Variants in SNAP47 observed in about 807,000 individuals in gnomAD.
The protein encoded by SNAP47 is synaptosomal-associated protein 47.
In SNAP47, 20 loss-of-function variants were observed where a neutral mutation model predicts 31.4. The observed-to-expected ratio is 0.64, with a 90% confidence interval of 0.45 to 0.93. The LOEUF is 0.93. Among genes scored for constraint, SNAP47 ranks in the 40% least tolerant of loss-of-function variants. SNAP47 has a pLI of 0.00. For missense variants in SNAP47, 492 were observed against 528.5 expected (o/e 0.93, Z 0.68); for synonymous variants, 194 against 213.4 (o/e 0.91, Z 0.79).
In SNAP47 at chr1:227,736,355, G is replaced by A. The variant is rs75697236; in HGVS notation, c.-46+856G>A. 172 of 152,500 alleles carry A rather than the reference G, an allele frequency of 1.1e-3. 4 individuals carry two copies. In the East Asian group the frequency reaches 0.032, roughly 28 times the overall value. 9.4% of individuals were successfully genotyped at this position (152,500 alleles called of 1,614,324 possible). Reference sequence around the variant, plus strand: ...AGCAGGGCTGAAGTGGGAGGACATCGGAGTAGTGACATGAGGAGTGTTTTG... The same window carrying A: ...AGCAGGGCTGAAGTGGGAGGACATCAGAGTAGTGACATGAGGAGTGTTTTG... On this transcript the variant is annotated intron_variant, in intron 1 of 4. Coordinates refer to ENST00000617596, the MANE Select transcript of SNAP47 (RefSeq NM_053052.4).
At chr1:227,728,670 TC>T (rs1044245445) in exon 1 of SNAP47, 52 of 148,524 alleles carry the variant, frequency 3.5e-4, no homozygotes, top group Admixed American at 1.1e-3. Context: ...AGGGCAAGGC[TC>T]CGGTTCCTGC....
upstream of SNAP47, chr1:227,732,432 T>C: frequency 1.2e-6 from 2 of 1,613,200 alleles, no homozygotes; most frequent in Non-Finnish European, 1.7e-6. Context: ...TCTCAGCTGC[T>C]GCAGCAGCTC....
intron 3 of SNAP47, among the ~76,000 whole-genome samples, chr1:227,760,671 C>T (rs1038517098): frequency 6.6e-6 from 1 of 152,244 alleles, no homozygotes; most frequent in Non-Finnish European, 1.5e-5. Flanking sequence ...TGCCTTTACC[C>T]TTTCCTTGGT....
chr1:227,735,235 G>C, upstream of SNAP47: 1 of 1,599,308 alleles, frequency 6.3e-7, no homozygotes, highest in Non-Finnish European at 8.5e-7. Flanking sequence ...CCAGGCCTCG[G>C]AAGTGGCTGT....
At chr1:227,732,332 A>G (rs925679774), upstream of SNAP47, 12 of 1,577,622 alleles carry the variant, frequency 7.6e-6, no homozygotes, top group African/African-American at 1.5e-4. Flanking sequence ...TATTTCTGGA[A>G]GGGCCCCGGA....
At chr1:227,755,421 C>T (rs953922774) in intron 2 of SNAP47, among the ~76,000 whole-genome samples, 4 of 151,884 alleles carry the variant, frequency 2.6e-5, no homozygotes, top group Admixed American at 6.6e-5. Context: ...GAGTCTCGCT[C>T]TGTCACCCAG....
intron 2 of SNAP47, among the ~76,000 whole-genome samples, chr1:227,757,237 A>C (rs920480967): frequency 3.3e-5 from 5 of 152,234 alleles, no homozygotes; most frequent in Non-Finnish European, 7.3e-5. Flanking sequence ...GAGCTTCACT[A>C]TAGGGCTAGG....
At chr1:227,732,791 C>T (rs1571961128), upstream of SNAP47, 3 of 1,592,112 alleles carry the variant, frequency 1.9e-6, no homozygotes, top group Non-Finnish European at 2.6e-6. Flanking sequence ...GACAGAGGCA[C>T]TGAGAAGCTG....
rs751379759 is a variant in SNAP47, at chr1:227,747,697, G to A, written c.-40G>A. 3.1e-6 allele frequency: 5 copies of A among 1,591,286 alleles called. No individual in the cohort carries two copies. In the South Asian group the frequency reaches 5.6e-5, roughly 18 times the overall value. Reference sequence around the variant, plus strand: ...TACTGTCTCTTCTCCTTCAGAGGCAGAAGAGGCCTGGACCTTGGCGCACAC... The same window carrying A: ...TACTGTCTCTTCTCCTTCAGAGGCAAAAGAGGCCTGGACCTTGGCGCACAC... On this transcript the variant is annotated 5_prime_UTR_variant, in exon 2 of 5. Transcript: ENST00000617596.
At chr1:227,734,687 C>G (rs1329114933), upstream of SNAP47, 1 of 1,614,054 alleles carries the variant, frequency 6.2e-7, no homozygotes, top group African/African-American at 1.3e-5. Context: ...GAGACAGCCC[C>G]TGGGAGAGGA....
intron 1 of SNAP47, among the ~76,000 whole-genome samples, chr1:227,745,057 T>G (rs1453422947): frequency 6.6e-6 from 1 of 152,208 alleles, no homozygotes; most frequent in East Asian, 1.9e-4. Flanking sequence ...TCCCTGGGCT[T>G]TTGCCTGAGG....
At chr1:227,735,186 C>A (rs1382921912), upstream of SNAP47, 1 of 1,581,090 alleles carries the variant, frequency 6.3e-7, no homozygotes, top group Non-Finnish European at 8.6e-7. Context: ...ACGAAGGCTA[C>A]CCGGCCCGGA....
At chr1:227,733,596 C>G (rs1243299307), upstream of SNAP47, 3 of 1,607,702 alleles carry the variant, frequency 1.9e-6, no homozygotes, top group Non-Finnish European at 1.7e-6. Flanking sequence ...TCTTCCTGCC[C>G]TGGGGGGAAG....
Position 227,735,481 on chromosome 1 carries a change from C to A in SNAP47, c.-64C>A, listed in dbSNP as rs188652040. 8 of 1,426,136 alleles carry A rather than the reference C, an allele frequency of 5.6e-6. No homozygotes were observed. The highest frequency in any genetic ancestry group is 7.3e-6 in the Non-Finnish European group (8 of 1,100,332). The allele number at this position is 1,426,136 out of a possible 1,614,324, so 88.3% of individuals were successfully genotyped here. ...CGAGGCGCCGCGGTCGGCTCTGGGA[C>A]TCGTCTGGCGTCCCTCAGGTGAGCG... On this transcript the variant is annotated 5_prime_UTR_variant, in exon 1 of 5. Coordinates refer to ENST00000617596, the MANE Select transcript of SNAP47 (RefSeq NM_053052.4).
rs900611196 is a variant in SNAP47, at chr1:227,780,907, T to G, written c.*234T>G. ...AGGACCCGGCCACATGTTCTGCGGA[T>G]GCTGCAGAAGTGTGGACCATGGCGG... On this transcript the variant is annotated 3_prime_UTR_variant, in exon 5 of 5. Transcript: ENST00000617596. 1.7e-6 allele frequency: 1 copy of G among 584,804 alleles called. No individual in the cohort carries two copies. Among genetic ancestry groups the G allele is most frequent in the Non-Finnish European group, 3.0e-6 (1 of 333,784 alleles). 36.2% of individuals were successfully genotyped at this position (584,804 alleles called of 1,614,324 possible).
At chr1:227,761,677 A>G (rs1419949443) in intron 3 of SNAP47, among the ~76,000 whole-genome samples, 1 of 152,140 alleles carries the variant, frequency 6.6e-6, no homozygotes, top group Non-Finnish European at 1.5e-5. Flanking sequence ...GAGGTATGTG[A>G]CGTGCTGTGG....
chr1:227,752,713 A>G (rs906787428), intron 2 of SNAP47, among the ~76,000 whole-genome samples: 1 of 152,266 alleles, frequency 6.6e-6, no homozygotes, highest in African/African-American at 2.4e-5. Flanking sequence ...TAAGGAAGCC[A>G]GCAACCTCTG....
chr1:227,755,456 G>A (rs111511113), intron 2 of SNAP47, among the ~76,000 whole-genome samples: 1,671 of 151,864 alleles, frequency 0.011, 31 homozygotes, highest in African/African-American at 0.038. Flanking sequence ...GCGTGATCTC[G>A]GCTCACTGCA....
At chr1:227,761,277 C>T (rs1572027899) in intron 3 of SNAP47, among the ~76,000 whole-genome samples, 2 of 152,128 alleles carry the variant, frequency 1.3e-5, no homozygotes, top group African/African-American at 4.8e-5. Flanking sequence ...CAGATGGCTT[C>T]AAGTTTCGGA....
Sources: gnomAD v4.1 joint callset for allele counts (sites outside exome capture counted in the v4.1 genomes callset) on GRCh38, gnomAD v4.1.1 for gene constraint, MANE v1.5 for transcripts, NCBI Gene and HGNC (gene_info 2026-07-23, HGNC 2026-07-21) for gene names.